Variants in MYO18B observed in about 807,000 individuals in gnomAD.
MYO18B encodes myosin XVIIIB.
A neutral mutation model predicts 273.0 loss-of-function variants in MYO18B; 204 were observed. The observed-to-expected ratio is 0.75, with a 90% confidence interval of 0.67 to 0.84. The LOEUF is 0.84. MYO18B is among the 40% of genes least tolerant of loss of function. MYO18B has a pLI of 0.00. For synonymous variants in MYO18B, 1,330 were observed against 1,305.7 expected (o/e 1.02, Z -0.40); for missense variants, 3,212 against 3,287.6 (o/e 0.98, Z 0.56).
rs778657270 is a variant in MYO18B at position 25,770,068 on chromosome 22, G to A, written c.1513-42G>A. On this transcript the variant is annotated intron_variant, in intron 4 of 43. Transcript: ENST00000335473. ...CCGTGTAAGGTAGAAGATGGGCAGC[G>A]GTGCCATTTGCTGGTTTAATTTACG... 7.3e-5 allele frequency: 116 copies of A among 1,598,204 alleles called. 1 individual carries two copies. The highest frequency in any genetic ancestry group is 1.3e-4 in the East Asian group (6 of 44,794).
intron 42 of MYO18B, among the ~76,000 whole-genome samples, chr22:26,019,179 G>A (rs1935611946): frequency 6.6e-6 from 1 of 152,130 alleles, no homozygotes; most frequent in Admixed American, 6.5e-5. Flanking sequence ...AACATTATAG[G>A]TAGACAGACC....
intron 36 of MYO18B, among the ~76,000 whole-genome samples, chr22:25,948,443 CTTCCTTCCTTCCTTCCTTCTTTCT>C (rs1352537893): frequency 8.7e-6 from 1 of 114,390 alleles, no homozygotes; most frequent in African/African-American, 4.3e-5. Flanking sequence ...TCCTTCCTTC[CTTCCTTCCTTCCTTCCTTCTTTCT>C]TTCTTTCTTT....
chr22:25,830,848 A>G (rs12166250), intron 15 of MYO18B, among the ~76,000 whole-genome samples: 85,673 of 152,104 alleles, frequency 0.56, 24,682 homozygotes, highest in Non-Finnish European at 0.61. Flanking sequence ...GCAGAGAACC[A>G]GGGTTGTTTT....
At position 25,768,112 on chromosome 22, in the gene MYO18B, C is replaced by T. The variant is rs133902; in HGVS notation, c.199-3C>T. ...GTAGGCATGGTTGTGTTCTTTCTCC[C>T]AGATCCCAGAAATTTCCATCAGCCA... On this transcript the variant is annotated splice_region_variant and splice_polypyrimidine_tract_variant and intron_variant, in intron 3 of 43. Coordinates refer to ENST00000335473, the MANE Select transcript of MYO18B (RefSeq NM_032608.7). 763,952 of 1,586,674 alleles carry T rather than the reference C, an allele frequency of 0.48. 195,320 individuals carry two copies. Among genetic ancestry groups the T allele is most frequent in the African/African-American group, 0.85 (63,215 of 74,236 alleles).
At chr22:25,817,230 T>C (rs2089057822) in intron 12 of MYO18B, among the ~76,000 whole-genome samples, 1 of 151,798 alleles carries the variant, frequency 6.6e-6, no homozygotes, top group Admixed American at 6.6e-5. Context: ...CTTTCGTTCT[T>C]TCTCTCTTTC....
chr22:25,803,636 T>C (rs1382468405), intron 12 of MYO18B, among the ~76,000 whole-genome samples: 3 of 152,194 alleles, frequency 2.0e-5, no homozygotes, highest in East Asian at 1.9e-4. Flanking sequence ...TGCCTTTTAA[T>C]GGATGTGTAA....
chr22:25,970,866 T>C (rs952205913), intron 39 of MYO18B, among the ~76,000 whole-genome samples: 9 of 152,172 alleles, frequency 5.9e-5, no homozygotes, highest in Non-Finnish European at 1.2e-4. Context: ...TGTGAGCTAA[T>C]TGCTTGGTGG....
chr22:26,045,916 G>A, the MYO18B span, among the ~76,000 whole-genome samples: 187 of 152,294 alleles, frequency 1.2e-3, no homozygotes, highest in African/African-American at 4.2e-3. Flanking sequence ...CAGTGTTATC[G>A]TGACAACAGG....
At chr22:25,977,747 A>AGCTGATGTTTATTAAGC (rs1291322780) in intron 39 of MYO18B, among the ~76,000 whole-genome samples, 3 of 152,174 alleles carry the variant, frequency 2.0e-5, no homozygotes, top group Admixed American at 1.3e-4. Context: ...TAGGAAAGGG[A>AGCTGATGTTTATTAAGC]GCTGATGTTT....
At chr22:25,995,077 C>T (rs915282042) in intron 40 of MYO18B, among the ~76,000 whole-genome samples, 3 of 151,938 alleles carry the variant, frequency 2.0e-5, no homozygotes, top group Non-Finnish European at 2.9e-5. Context: ...AAATGTGATG[C>T]GTATACACGA....
chr22:25,744,480 C>T (rs2085717095), intron 1 of MYO18B, among the ~76,000 whole-genome samples: 1 of 152,164 alleles, frequency 6.6e-6, no homozygotes, highest in South Asian at 2.1e-4. Flanking sequence ...GCCTTTAATC[C>T]CAGCACTTTG....
intron 39 of MYO18B, among the ~76,000 whole-genome samples, chr22:25,978,465 G>A (rs2146774943): frequency 6.6e-6 from 1 of 152,302 alleles, no homozygotes; most frequent in Non-Finnish European, 1.5e-5. Flanking sequence ...CAAAAAGAAA[G>A]GGCGAGTTGG....
At chr22:25,991,425 A>G (rs2093269447) in intron 39 of MYO18B, among the ~76,000 whole-genome samples, 1 of 152,168 alleles carries the variant, frequency 6.6e-6, no homozygotes, top group African/African-American at 2.4e-5. Context: ...CATTTCCCCA[A>G]GTTGCGACTG....
chr22:25,970,385 C>A (rs1457859313), intron 39 of MYO18B, among the ~76,000 whole-genome samples: 1 of 152,128 alleles, frequency 6.6e-6, no homozygotes, highest in East Asian at 1.9e-4. Flanking sequence ...TCCCCAAATG[C>A]AGTATACCCC....
intron 10 of MYO18B, 132 bp downstream of exon 10, chr22:25,781,966 G>A (rs371921218): frequency 2.1e-5 from 12 of 582,962 alleles, no homozygotes; most frequent in East Asian, 3.3e-5. Context: ...CATGGCGTCC[G>A]ATTCCAGCTG....
intron 12 of MYO18B, among the ~76,000 whole-genome samples, chr22:25,802,854 A>T (rs1179087844): frequency 6.6e-6 from 1 of 151,856 alleles, no homozygotes; most frequent in Non-Finnish European, 1.5e-5. Context: ...ACAACCATGA[A>T]TCTACTTTCT....
At position 25,785,478 on chromosome 22, in the gene MYO18B, G is replaced by A; in HGVS notation, c.2363G>A (p.Gly788Asp). 1.2e-6 allele frequency: 2 copies of A among 1,612,302 alleles called. No individual in the cohort carries two copies. The highest frequency in any genetic ancestry group is 1.7e-6 in the Non-Finnish European group (2 of 1,179,262). ...GCAGATAGCAGCTCCTTTGGCATGG[G>A]CGTGTGGTCCAAGGTAAGGAGGAGG... ...QMADSSSFGMGVWSKPEDKQK... is the reference protein window; with the variant it reads ...QMADSSSFGMDVWSKPEDKQK... The change falls in exon 11 of 44, where the codon GGC (glycine) becomes GAC (aspartate). Residue 788 changes from glycine to aspartate, a missense_variant. By Grantham distance (94) the Gly-to-Asp change is moderately conservative (BLOSUM62 -1). Coordinates refer to ENST00000335473, the MANE Select transcript of MYO18B (RefSeq NM_032608.7).
At chr22:25,753,387 CTGTAAAACGGACCAGTCAGCTCTT>C (rs1256764354) in intron 1 of MYO18B, among the ~76,000 whole-genome samples, 9 of 152,326 alleles carry the variant, frequency 5.9e-5, no homozygotes, top group Admixed American at 2.0e-4. Flanking sequence ...AGTCAGCTCT[CTGTAAAACGGACCAGTCAGCTCTT>C]TGTAAAACGG....
At chr22:25,840,168 C>T (rs541602952) in intron 17 of MYO18B, among the ~76,000 whole-genome samples, 14 of 152,288 alleles carry the variant, frequency 9.2e-5, no homozygotes, top group South Asian at 6.2e-4. Context: ...GGGCGCTCCC[C>T]GAGGACAGTT....
Sources: gnomAD v4.1 joint callset for allele counts (sites outside exome capture counted in the v4.1 genomes callset) on GRCh38, gnomAD v4.1.1 for gene constraint, MANE v1.5 for transcripts, NCBI Gene and HGNC (gene_info 2026-07-23, HGNC 2026-07-21) for gene names.